Variants in UTP18 observed in about 807,000 individuals in gnomAD.
UTP18 encodes U3 small nucleolar RNA-associated protein 18 homolog.
A neutral mutation model predicts 61.1 loss-of-function variants in UTP18; 36 were observed. That is an observed-to-expected ratio of 0.59 (90% CI 0.45 to 0.78). UTP18 has a LOEUF of 0.78. Ranked by LOEUF, UTP18 falls within the 30% of genes least tolerant of loss-of-function variation. The pLI, the probability that UTP18 is intolerant of heterozygous loss-of-function variation, is 0.00. For missense variants in UTP18, 753 were observed against 693.9 expected, an observed-to-expected ratio of 1.09 and a Z score of -0.96; for synonymous variants, 282 against 251.1, an observed-to-expected ratio of 1.12 and a Z score of -1.16.
intron 2 of UTP18, among the ~76,000 whole-genome samples, chr17:51,265,822 A>G (rs1598474042): frequency 6.6e-6 from 1 of 151,834 alleles, no homozygotes; most frequent in East Asian, 2.0e-4. Flanking sequence ...TCAGCCTCTC[A>G]AAGTGCTGGG....
At chr17:51,295,265 G>A (rs1230129030) in intron 12 of UTP18, among the ~76,000 whole-genome samples, 3 of 151,998 alleles carry the variant, frequency 2.0e-5, no homozygotes, top group Non-Finnish European at 4.4e-5. Context: ...TAGACATGAA[G>A]TCCTTGCCCA....
In UTP18 at chr17:51,297,104, C is replaced by T. The variant is rs372872788; in HGVS notation, c.*14+101C>T. 82 of 1,009,316 alleles carry T rather than the reference C, an allele frequency of 8.1e-5. 2 individuals carry two copies. In the South Asian group the frequency reaches 1.2e-3, roughly 15 times the overall value. The allele number at this position is 1,009,316 out of a possible 1,614,324, so 62.5% of individuals were successfully genotyped here. ...ATTAGCTGAGCTTTGTTTCTCTACCCCTAAGTTACTGCATCTTTATTTAGA... is the reference window on the plus strand; with the variant it reads ...ATTAGCTGAGCTTTGTTTCTCTACCTCTAAGTTACTGCATCTTTATTTAGA... On this transcript the variant is annotated intron_variant, in intron 13 of 13. Transcript: ENST00000225298.
At chr17:51,288,263 A>C (rs1034414541) in intron 11 of UTP18, 60 bp downstream of exon 11, 2 of 1,441,314 alleles carry the variant, frequency 1.4e-6, no homozygotes, top group African/African-American at 2.9e-5. Context: ...GAAAACATGC[A>C]AGAGTAACAG....
chr17:51,266,121 C>A, intron 2 of UTP18, 61 bp from the exon 3 acceptor site: 1 of 1,292,264 alleles, frequency 7.7e-7, no homozygotes, highest in Non-Finnish European at 1.0e-6. Flanking sequence ...GTGCTAAAAG[C>A]AGCAGCTATT....
intron 9 of UTP18, 82 bp downstream of exon 9, chr17:51,280,561 C>G: frequency 7.4e-7 from 1 of 1,354,278 alleles, no homozygotes; most frequent in Non-Finnish European, 1.0e-6. Context: ...CGTGTGTAAT[C>G]CCACCACTTT....
Position 51,277,340 on chromosome 17 carries a change from C to T in UTP18, c.1012+36C>T, listed in dbSNP as rs760774596. 5.0e-6 allele frequency: 8 copies of T among 1,604,638 alleles called. No individual in the cohort carries two copies. In the East Asian group the frequency reaches 8.9e-5, roughly 18 times the overall value. The stretch of plus-strand genomic sequence containing the variant: ...TGTTGAATGCACACAACCAGTCATT[C>T]CCCCCAAGGTGAGTTTATGTAACAG... On this transcript the variant is annotated intron_variant, in intron 7 of 13. Transcript: ENST00000225298.
chr17:51,285,362 C>A lies in UTP18; in HGVS notation c.1322C>A (p.Ala441Asp). 1 of 1,612,918 alleles carries A rather than the reference C, an allele frequency of 6.2e-7. No individual in the cohort carries two copies. Among genetic ancestry groups the A allele is most frequent in the Non-Finnish European group, 8.5e-7 (1 of 1,179,198 alleles). The change falls in exon 10 of 14, where the codon GCT (alanine) becomes GAT (aspartate). Residue 441 changes from alanine to aspartate, a missense_variant. Physicochemically the swap from Ala to Asp is moderately radical, Grantham distance 126. Transcript: ENST00000225298. ...ACATCTAGGAATGGACAGTATGTTG[C>A]TTGTGGGTAAGTAAAGAGAGGTTCT... ...IATSRNGQYV[A>D]CGSNCGVVNI...
intron 2 of UTP18, among the ~76,000 whole-genome samples, chr17:51,263,653 T>G (rs911345494): frequency 3.3e-5 from 5 of 152,196 alleles, no homozygotes; most frequent in African/African-American, 7.2e-5. Flanking sequence ...TCGATTTGCC[T>G]CCTCTTTTGG....
chr17:51,270,520 G>A (rs1490479212), intron 4 of UTP18, among the ~76,000 whole-genome samples: 1 of 152,162 alleles, frequency 6.6e-6, no homozygotes, highest in Non-Finnish European at 1.5e-5. Flanking sequence ...AGATCCCAGT[G>A]GCATAATCCA....
At chr17:51,273,596 T>C (rs936966169) in intron 5 of UTP18, 146 bp downstream of exon 5, 16 of 509,522 alleles carry the variant, frequency 3.1e-5, no homozygotes, top group African/African-American at 1.3e-4. Context: ...ACTTATGTTA[T>C]TGTTTTTTTT....
At chr17:51,273,185 ATTTTTTTT>A (rs35339641) in intron 4 of UTP18, among the ~76,000 whole-genome samples, 169 bp from the exon 5 acceptor site, 1 of 142,332 alleles carries the variant, frequency 7.0e-6, no homozygotes, top group Non-Finnish European at 1.5e-5. Context: ...CTCCTTTAAA[ATTTTTTTT>A]TTTTTTTTCC....
chr17:51,294,055 A>G lies in UTP18; in HGVS notation c.1646+10A>G. Reference sequence around the variant, plus strand: ...AGGCCCTGATGTATAGGTAGGTATTATTTATGTTTAAAAGTCAGAGATACC... The same window carrying G: ...AGGCCCTGATGTATAGGTAGGTATTGTTTATGTTTAAAAGTCAGAGATACC... On this transcript the variant is annotated intron_variant, in intron 12 of 13. Transcript: ENST00000225298. 6.4e-7 allele frequency: 1 copy of G among 1,561,236 alleles called. No individual in the cohort carries two copies. The highest frequency in any genetic ancestry group is 8.6e-7 in the Non-Finnish European group (1 of 1,159,766).
In UTP18 at chr17:51,280,500, A is replaced by T. The variant is rs1904878196; in HGVS notation, c.1204+21A>T. The T allele has an allele frequency of 2.5e-6, 4 of 1,611,502 alleles. No individual in the cohort carries two copies. In the South Asian group the frequency reaches 3.3e-5, roughly 13 times the overall value. On this transcript the variant is annotated intron_variant, in intron 9 of 13. Coordinates refer to ENST00000225298, the MANE Select transcript of UTP18 (RefSeq NM_016001.3). The stretch of plus-strand genomic sequence containing the variant: ...TTCGGGTAAGACAACGACATGAAAG[A>T]AGCTAAGGATATTTTTACATTTTAA...
At chr17:51,297,119 C>A in intron 13 of UTP18, 116 bp downstream of exon 13, 2 of 849,016 alleles carry the variant, frequency 2.4e-6, no homozygotes, top group Non-Finnish European at 3.6e-6. Context: ...GTTACTGCAT[C>A]TTTATTTAGA....
chr17:51,295,829 C>T (rs1905356049), intron 12 of UTP18, among the ~76,000 whole-genome samples: 1 of 152,026 alleles, frequency 6.6e-6, no homozygotes, highest in South Asian at 2.1e-4. Context: ...ATGTCACTAG[C>T]AGGAAACTTC....
At chr17:51,287,912 C>A in intron 10 of UTP18, 117 bp from the exon 11 acceptor site, 1 of 737,424 alleles carries the variant, frequency 1.4e-6, no homozygotes, top group Non-Finnish European at 2.0e-6. Flanking sequence ...GATAGCTGGT[C>A]TCTTTGTAAC....
Position 51,288,072 on chromosome 17 carries a change from C to A in UTP18, c.1372C>A (p.Leu458Ile). ...VVNIYNQDSCLQETNPKPIKA... is the reference protein window; with the variant it reads ...VVNIYNQDSCIQETNPKPIKA... ...AAATATATACAATCAAGATTCTTGT[C>A]TCCAAGAAACAAACCCAAAGCCAAT... The change falls in exon 11 of 14, where the codon CTC (leucine) becomes ATC (isoleucine). Residue 458 changes from leucine to isoleucine, a missense_variant. Leu to Ile is a conservative substitution (Grantham distance 5). Transcript: ENST00000225298. 1 of 1,603,896 alleles carries A rather than the reference C, an allele frequency of 6.2e-7. No homozygotes were observed. Among genetic ancestry groups the A allele is most frequent in the South Asian group, 1.1e-5 (1 of 88,290 alleles).
chr17:51,276,576 ATGGTTTCTTGGGT>A (rs1244924844), intron 6 of UTP18, among the ~76,000 whole-genome samples: 1 of 152,186 alleles, frequency 6.6e-6, no homozygotes, highest in East Asian at 1.9e-4. Flanking sequence ...ATGTACATTG[ATGGTTTCTTGGGT>A]TGCAACAATA....
chr17:51,282,695 T>A (rs943696827), intron 9 of UTP18, among the ~76,000 whole-genome samples: 2 of 152,084 alleles, frequency 1.3e-5, no homozygotes, highest in Non-Finnish European at 2.9e-5. Flanking sequence ...GCAGATATAA[T>A]GTATTTACAA....
Sources: allele counts gnomAD v4.1 joint callset (sites outside exome capture counted in the v4.1 genomes callset), GRCh38; gene constraint gnomAD v4.1.1; transcripts MANE v1.5; gene names NCBI Gene and HGNC (gene_info 2026-07-23, HGNC 2026-07-21).